RIMS2: variants seen among roughly 807,000 people sequenced by gnomAD.
RIMS2 encodes regulating synaptic membrane exocytosis 2.
RIMS2 carries 59 observed loss-of-function variants against 174.4 expected under a neutral mutation model. That is an observed-to-expected ratio of 0.34 (90% CI 0.27 to 0.42). The LOEUF (loss-of-function observed/expected upper bound fraction) is 0.42, where lower values mean the gene tolerates loss of function less well. Ranked by LOEUF, RIMS2 falls within the 10% of genes least tolerant of loss-of-function variation. The pLI is 1.00. For synonymous variants in RIMS2, 606 were observed against 572.5 expected, an observed-to-expected ratio of 1.06 and a Z score of -0.84; for missense variants, 1,620 against 1,666.3, an observed-to-expected ratio of 0.97 and a Z score of 0.48.
At chr8:104,165,509 G>A (rs1000981084) in intron 19 of RIMS2, among the ~76,000 whole-genome samples, 4 of 151,522 alleles carry the variant, frequency 2.6e-5, no homozygotes, top group African/African-American at 9.7e-5. Context: ...TGGAATATTC[G>A]TGTGTGTCAG....
intron 4 of RIMS2, among the ~76,000 whole-genome samples, chr8:103,889,572 C>A (rs1054412196): frequency 6.6e-6 from 1 of 151,702 alleles, no homozygotes; most frequent in Non-Finnish European, 1.5e-5. Context: ...GTAGCAGAAT[C>A]TTTCCTGGTC....
chr8:103,972,604 T>C (rs2093003967), intron 15 of RIMS2, among the ~76,000 whole-genome samples: 1 of 152,154 alleles, frequency 6.6e-6, no homozygotes, highest in Non-Finnish European at 1.5e-5. Context: ...TCTTCATCAC[T>C]TGCTCCACTC....
intron 3 of RIMS2, among the ~76,000 whole-genome samples, chr8:103,824,610 T>C (rs2098775205): frequency 6.6e-6 from 1 of 152,210 alleles, no homozygotes; most frequent in Admixed American, 6.5e-5. Context: ...CTATGCTTTC[T>C]GTTTTGGGCA....
intron 17 of RIMS2, among the ~76,000 whole-genome samples, chr8:103,997,883 T>TA (rs914708551): frequency 2.1e-4 from 31 of 151,006 alleles, no homozygotes; most frequent in African/African-American, 7.5e-4. Context: ...TCTTTCCTCA[T>TA]AAAAAATGGT....
At chr8:104,192,935 G>A (rs2099005069) in intron 19 of RIMS2, among the ~76,000 whole-genome samples, 1 of 152,132 alleles carries the variant, frequency 6.6e-6, no homozygotes, top group Non-Finnish European at 1.5e-5. Context: ...AATGAGATGT[G>A]CTGTTGATAA....
At chr8:103,919,619 A>G (rs2077227312) in intron 9 of RIMS2, among the ~76,000 whole-genome samples, 1 of 152,046 alleles carries the variant, frequency 6.6e-6, no homozygotes, top group African/African-American at 2.4e-5. Flanking sequence ...AGCAATGAGG[A>G]TGGTGAGAAG....
chr8:104,181,680 G>C (rs2098940708), intron 19 of RIMS2, among the ~76,000 whole-genome samples: 1 of 151,362 alleles, frequency 6.6e-6, no homozygotes, highest in Non-Finnish European at 1.5e-5. Context: ...GAACTCTAAG[G>C]GGAAAAGAGT....
chr8:104,123,115 G>GA (rs1300521256), intron 19 of RIMS2, among the ~76,000 whole-genome samples: 2 of 151,912 alleles, frequency 1.3e-5, no homozygotes, highest in East Asian at 3.8e-4. Flanking sequence ...TTTAGACAAA[G>GA]AAAAATTTGC....
chr8:103,944,060 A>G (rs1305981907), intron 14 of RIMS2, among the ~76,000 whole-genome samples: 1 of 152,092 alleles, frequency 6.6e-6, no homozygotes, highest in Non-Finnish European at 1.5e-5. Context: ...CTTAGTAGTC[A>G]TAGGAAAGCC....
intron 1 of RIMS2, among the ~76,000 whole-genome samples, chr8:103,667,792 A>G (rs2096691273): frequency 6.6e-6 from 1 of 152,174 alleles, no homozygotes; most frequent in Non-Finnish European, 1.5e-5. Context: ...TCTAGGGAGA[A>G]ACTTCTGTGG....
At chr8:103,532,242 C>A (rs1429096418) in intron 1 of RIMS2, among the ~76,000 whole-genome samples, 1 of 152,158 alleles carries the variant, frequency 6.6e-6, no homozygotes, top group Non-Finnish European at 1.5e-5. Context: ...TTTAGTAGCT[C>A]TGAGATGTGG....
chr8:103,838,646 C>G (rs889096410), intron 3 of RIMS2, among the ~76,000 whole-genome samples: 3 of 152,174 alleles, frequency 2.0e-5, no homozygotes, highest in African/African-American at 7.2e-5. Flanking sequence ...TCAAAAGTTA[C>G]GAATATTTTG....
intron 3 of RIMS2, among the ~76,000 whole-genome samples, chr8:103,815,748 G>T (rs2098714526): frequency 6.6e-6 from 1 of 152,082 alleles, no homozygotes. Flanking sequence ...AAAGATACAT[G>T]AACATAATTG....
chr8:104,082,292 C>A (rs985380765), intron 19 of RIMS2, among the ~76,000 whole-genome samples: 1 of 151,970 alleles, frequency 6.6e-6, no homozygotes, highest in South Asian at 2.1e-4. Context: ...TCCTTTCAAT[C>A]CAAGAGTTCA....
At chr8:103,711,997 A>AT (rs956761218) in intron 2 of RIMS2, among the ~76,000 whole-genome samples, 86 of 146,050 alleles carry the variant, frequency 5.9e-4, no homozygotes, top group Admixed American at 8.9e-4. Flanking sequence ...TTAGTTTTCA[A>AT]TTTTTTTTTT....
At chr8:103,615,840 A>G (rs1351932136) in intron 1 of RIMS2, among the ~76,000 whole-genome samples, 1 of 152,210 alleles carries the variant, frequency 6.6e-6, no homozygotes, top group Non-Finnish European at 1.5e-5. Context: ...TGATTCCCCA[A>G]ACAGACCAAT....
intron 1 of RIMS2, among the ~76,000 whole-genome samples, chr8:103,659,842 A>C (rs1364986149): frequency 6.6e-6 from 1 of 152,240 alleles, no homozygotes; most frequent in Non-Finnish European, 1.5e-5. Flanking sequence ...CACTTCCAAA[A>C]AATCAACAAG....
intron 3 of RIMS2, among the ~76,000 whole-genome samples, chr8:103,832,637 T>C (rs2098832978): frequency 6.6e-6 from 1 of 152,220 alleles, no homozygotes; most frequent in Non-Finnish European, 1.5e-5. Flanking sequence ...AACATGAGTA[T>C]TTGGTTTTCT....
At chr8:104,184,690 T>A (rs566272934) in intron 19 of RIMS2, among the ~76,000 whole-genome samples, 1 of 151,646 alleles carries the variant, frequency 6.6e-6, no homozygotes, top group East Asian at 1.9e-4. Flanking sequence ...TATTTTGTTT[T>A]GTTTTGTTTT....
Sources: allele counts gnomAD v4.1 joint callset (sites outside exome capture counted in the v4.1 genomes callset), GRCh38; gene constraint gnomAD v4.1.1; transcripts MANE v1.5; gene names NCBI Gene and HGNC (gene_info 2026-07-23, HGNC 2026-07-21).